The following NDNF variants were observed in gnomAD, a reference collection of about 807,000 sequenced individuals.
NDNF encodes neuron derived neurotrophic factor.
NDNF carries 16 observed loss-of-function variants against 42.0 expected under a neutral mutation model. The ratio of observed to expected loss-of-function variants is 0.38; its 90% CI spans 0.26 to 0.58. The LOEUF (loss-of-function observed/expected upper bound fraction) is 0.58, where lower values mean the gene tolerates loss of function less well. Among genes scored for constraint, NDNF ranks in the 20% least tolerant of loss-of-function variants. The pLI is 0.67. For missense variants in NDNF, 616 were observed against 666.2 expected (o/e 0.92, Z 0.83); for synonymous variants, 248 against 251.7 (o/e 0.99, Z 0.14).
Position 121,065,044 on chromosome 4 carries a change from T to A in NDNF, c.-2+6949A>T, listed in dbSNP as rs1266541411. ...TCAAACTCTTGGGCTCAAGTGGTCC[T>A]CCAGCCTCAGCCTCCTTAGCAGCTG... is the stretch of plus-strand genomic sequence containing the variant. On this transcript the variant is annotated intron_variant, in intron 1 of 3. Coordinates refer to ENST00000379692, the MANE Select transcript of NDNF (RefSeq NM_024574.4). Among the ~76,000 whole-genome samples the A allele has an allele frequency of 2.6e-5, 4 of 152,244 alleles. 1 individual carries two copies. The highest frequency in any genetic ancestry group is 3.9e-4 in the East Asian group (2 of 5,178).
intron 1 of NDNF, among the ~76,000 whole-genome samples, chr4:121,055,815 ACACACACG>A (rs1323705996): frequency 1.3e-5 from 2 of 152,124 alleles, no homozygotes; most frequent in African/African-American, 4.8e-5. Flanking sequence ...ACATACACAC[ACACACACG>A]CACCCCAGAA....
In NDNF at chr4:121,036,592, CGGA is replaced by C. The variant is rs1726873050; in HGVS notation, c.1376_1378del (p.Leu459del). 1 of 1,613,978 alleles carries C rather than the reference CGGA, an allele frequency of 6.2e-7. No individual in the cohort carries two copies. The highest frequency in any genetic ancestry group is 8.5e-7 in the Non-Finnish European group (1 of 1,180,008). ...AGCCACGGTGGCTGAGGAACAGGTA[CGGA>C]GCTTGTCAAAGGCTTTGATTCTTGT... is the stretch of plus-strand genomic sequence containing the variant. On this transcript the variant is annotated inframe_deletion, in exon 4 of 4. Coordinates refer to ENST00000379692, the MANE Select transcript of NDNF (RefSeq NM_024574.4).
At chr4:121,071,083 A>C (rs1173552403) in intron 1 of NDNF, among the ~76,000 whole-genome samples, 1 of 152,158 alleles carries the variant, frequency 6.6e-6, no homozygotes, top group Admixed American at 6.5e-5. Flanking sequence ...CCTCCAAGAA[A>C]ACAGCTGGGA....
intron 1 of NDNF, among the ~76,000 whole-genome samples, chr4:121,068,520 G>T (rs1727537114): frequency 6.6e-6 from 1 of 152,116 alleles, no homozygotes; most frequent in South Asian, 2.1e-4. Context: ...TTATTTCAGG[G>T]TCAAATGAAT....
At chr4:121,068,424 T>C (rs936748983) in intron 1 of NDNF, among the ~76,000 whole-genome samples, 3 of 152,222 alleles carry the variant, frequency 2.0e-5, no homozygotes, top group Non-Finnish European at 4.4e-5. Flanking sequence ...GTGGCTTCTA[T>C]TAAATGATTA....
intron 1 of NDNF, among the ~76,000 whole-genome samples, chr4:121,052,709 T>C (rs4833704): frequency 0.21 from 32,284 of 152,116 alleles, 3,631 homozygotes; most frequent in South Asian, 0.33. Context: ...ATACTGAATG[T>C]CCAACATGTG....
chr4:121,036,304 T>C lies in NDNF; in HGVS notation c.1667A>G (p.Lys556Arg), dbSNP rs1242181568. Residue 556 changes from lysine to arginine, a missense_variant, in exon 4 of 4, where the codon AAG (lysine) becomes AGG (arginine). Coordinates refer to ENST00000379692, the MANE Select transcript of NDNF (RefSeq NM_024574.4). ...YVIGHGGHSV[K>R]YQSKVVKTRK... ...AGTTTTCACAACCTTACTCTGATACTTTACAGAGTGCCCCCCATGTCCTAT... is the reference window on the plus strand; with the variant it reads ...AGTTTTCACAACCTTACTCTGATACCTTACAGAGTGCCCCCCATGTCCTAT... 1.7e-5 allele frequency: 28 copies of C among 1,612,790 alleles called. No individual in the cohort carries two copies. Among genetic ancestry groups the C allele is most frequent in the Non-Finnish European group, 2.4e-5 (28 of 1,179,508 alleles).
At chr4:121,039,257 A>ATATATATATATAAAGACTAT (rs1726954098) in intron 3 of NDNF, among the ~76,000 whole-genome samples, 1 of 143,864 alleles carries the variant, frequency 7.0e-6, no homozygotes, top group Non-Finnish European at 1.5e-5. Flanking sequence ...ATATATATAT[A>ATATATATATATAAAGACTAT]GTCATTTGTA....
chr4:121,047,324 A>G (rs925285140), intron 1 of NDNF, among the ~76,000 whole-genome samples: 1 of 152,228 alleles, frequency 6.6e-6, no homozygotes, highest in East Asian at 1.9e-4. Flanking sequence ...TCCATACAAA[A>G]TATCTGCAGT....
intron 1 of NDNF, among the ~76,000 whole-genome samples, chr4:121,054,920 C>T (rs1303359293): frequency 1.3e-5 from 2 of 152,196 alleles, no homozygotes; most frequent in Non-Finnish European, 2.9e-5. Flanking sequence ...ACCTCTACCT[C>T]CTGAGCTCAA....
intron 1 of NDNF, among the ~76,000 whole-genome samples, chr4:121,056,776 A>C (rs971669368): frequency 6.6e-6 from 1 of 152,246 alleles, no homozygotes; most frequent in Non-Finnish European, 1.5e-5. Flanking sequence ...CTGTTCTTAT[A>C]ACAAACCTGG....
intron 1 of NDNF, among the ~76,000 whole-genome samples, chr4:121,054,373 T>C (rs1727249729): frequency 6.6e-6 from 1 of 152,222 alleles, no homozygotes; most frequent in Non-Finnish European, 1.5e-5. Context: ...TTTTGCTACA[T>C]GCCAGGTACT....
In NDNF at chr4:121,072,117, G is replaced by T. The variant is rs1349815046; in HGVS notation, c.-126C>A. On this transcript the variant is annotated 5_prime_UTR_variant, in exon 1 of 4. Coordinates refer to ENST00000379692, the MANE Select transcript of NDNF (RefSeq NM_024574.4). ...AAGCACCAATATCCAGGAACGAGAAGCCTGGAGGGCGGGGACGGAGGCAGA... is the reference window on the plus strand; with the variant it reads ...AAGCACCAATATCCAGGAACGAGAATCCTGGAGGGCGGGGACGGAGGCAGA... 6.6e-6 allele frequency: 1 copy of T among 152,428 alleles called. No individual in the cohort carries two copies. The highest frequency in any genetic ancestry group is 2.4e-5 in the African/African-American group (1 of 41,476). The allele number at this position is 152,428 out of a possible 1,614,324, so 9.4% of individuals were successfully genotyped here. A position where few individuals can be genotyped will look rare whatever the true frequency, so the allele number is the denominator to read the frequency against.
chr4:121,039,480 T>C (rs1465742871), intron 3 of NDNF, among the ~76,000 whole-genome samples: 1 of 151,956 alleles, frequency 6.6e-6, no homozygotes, highest in Non-Finnish European at 1.5e-5. Flanking sequence ...TTCCATCTGT[T>C]ATTCCCTGGA....
intron 1 of NDNF, among the ~76,000 whole-genome samples, chr4:121,052,048 A>G (rs1436557130): frequency 6.6e-6 from 1 of 152,216 alleles, no homozygotes; most frequent in Non-Finnish European, 1.5e-5. Flanking sequence ...TCAGAACAGC[A>G]GCCAACAGCT....
In NDNF at chr4:121,045,652, C is replaced by T. The variant is rs2276959; in HGVS notation, c.186G>A (p.Lys62=). The T allele has an allele frequency of 0.8, 1,296,050 of 1,612,484 alleles. 532,676 individuals are homozygous for T. The highest frequency in any genetic ancestry group is 0.86 in the East Asian group (38,669 of 44,860). ...ISSYLFRDTP[K]RYFFVVEEDN... ...AGAAAATACTGCAGGGAGAATACCT[C>T]TTAGGTGTATCTCTAAAGAGATAAC... Residue 62 remains lysine (K), a splice_region_variant and synonymous_variant, in exon 2 of 4, where the codon AAG becomes AAA. Coordinates refer to ENST00000379692, the MANE Select transcript of NDNF (RefSeq NM_024574.4).
intron 1 of NDNF, among the ~76,000 whole-genome samples, chr4:121,070,050 A>G (rs1242398501): frequency 6.6e-6 from 1 of 152,224 alleles, no homozygotes; most frequent in Non-Finnish European, 1.5e-5. Flanking sequence ...TGGTAAAACG[A>G]CAGTATCTTT....
At chr4:121,055,462 A>G (rs568079487) in intron 1 of NDNF, among the ~76,000 whole-genome samples, 2 of 152,196 alleles carry the variant, frequency 1.3e-5, no homozygotes, top group Non-Finnish European at 2.9e-5. Context: ...CATATGATAA[A>G]ATGACAAACA....
intron 1 of NDNF, among the ~76,000 whole-genome samples, chr4:121,068,843 C>T (rs1040884770): frequency 1.3e-5 from 2 of 152,248 alleles, no homozygotes; most frequent in Admixed American, 6.5e-5. Flanking sequence ...TGTTCCTATG[C>T]TCTCGGTTGA....
Sources: allele counts gnomAD v4.1 joint callset (sites outside exome capture counted in the v4.1 genomes callset), GRCh38; gene constraint gnomAD v4.1.1; transcripts MANE v1.5; gene names NCBI Gene and HGNC (gene_info 2026-07-23, HGNC 2026-07-21).